Variants in SLC15A1 observed in about 807,000 individuals in gnomAD.
The protein encoded by SLC15A1 is Caco-2 oligopeptide transporter.
A neutral mutation model predicts 92.9 loss-of-function variants in SLC15A1; 83 were observed. The observed-to-expected ratio is 0.89, with a 90% CI of 0.75 to 1.07. SLC15A1 has a LOEUF of 1.07. SLC15A1 is among the 50% of genes least tolerant of loss of function. The pLI, the probability that SLC15A1 is intolerant of heterozygous loss-of-function variation, is 0.00. For synonymous variants in SLC15A1, 322 were observed against 318.2 expected (o/e 1.01, Z -0.13); for missense variants, 857 against 880.1 (o/e 0.97, Z 0.33).
intron 1 of SLC15A1, among the ~76,000 whole-genome samples, chr13:98,733,747 C>T (rs1194768800): frequency 6.6e-6 from 1 of 152,192 alleles, no homozygotes; most frequent in Non-Finnish European, 1.5e-5. Context: ...TCCTCCTAGC[C>T]ATGTGGCCTT....
intron 1 of SLC15A1, among the ~76,000 whole-genome samples, chr13:98,736,727 C>A (rs1267803284): frequency 2.0e-5 from 3 of 152,158 alleles, no homozygotes; most frequent in African/African-American, 7.2e-5. Context: ...ATGCAGCCAA[C>A]ACACACATAA....
rs183866973 is a variant in SLC15A1, at chr13:98,717,036, A to T, written c.641-1076T>A. Among the ~76,000 whole-genome samples, 144 of 152,340 alleles carry T rather than the reference A, an allele frequency of 9.5e-4. 3 individuals carry two copies. The East Asian group carries it at 0.021, about 22-fold the overall frequency. On this transcript the variant is annotated intron_variant, in intron 8 of 22. Transcript: ENST00000376503. ...CCTATCTCTATCATCTTATTAAAAA[A>T]TTTTTAAAAATTTAAAGCATTGTTG...
chr13:98,725,986 A>G (rs2139595707), intron 4 of SLC15A1, 137 bp downstream of exon 4: 1 of 1,124,210 alleles, frequency 8.9e-7, no homozygotes, highest in Non-Finnish European at 1.2e-6. Flanking sequence ...GATTACAGGT[A>G]TGAACCATAC....
At chr13:98,709,478 G>A (rs2088143243) in intron 14 of SLC15A1, 94 bp downstream of exon 14, 5 of 889,890 alleles carry the variant, frequency 5.6e-6, no homozygotes, top group South Asian at 2.8e-5. Flanking sequence ...TCCTCTAGGC[G>A]AGGTTGCGGG....
chr13:98,713,365 C>A (rs1006770940), intron 9 of SLC15A1, among the ~76,000 whole-genome samples: 12 of 152,104 alleles, frequency 7.9e-5, no homozygotes, highest in African/African-American at 1.7e-4. Flanking sequence ...GCCAGCATAT[C>A]TCAATTTGGA....
At chr13:98,705,755 G>A (rs1443609647) in intron 16 of SLC15A1, among the ~76,000 whole-genome samples, 1 of 152,126 alleles carries the variant, frequency 6.6e-6, no homozygotes, top group East Asian at 1.9e-4. Context: ...AGCTGGGTGT[G>A]GTGGCACACA....
At chr13:98,728,979 A>AC (rs2088324556) in intron 1 of SLC15A1, among the ~76,000 whole-genome samples, 1 of 104,090 alleles carries the variant, frequency 9.6e-6, no homozygotes, top group Admixed American at 9.9e-5. Context: ...AGGCTCTGTA[A>AC]AAAAAAAAAA....
intron 1 of SLC15A1, among the ~76,000 whole-genome samples, chr13:98,727,113 A>G (rs1283749154): frequency 6.6e-6 from 1 of 152,162 alleles, no homozygotes; most frequent in African/African-American, 2.4e-5. Flanking sequence ...AGCTCAGAGA[A>G]TCAGGCCTAA....
Position 98,710,107 on chromosome 13 carries a change from C to T in SLC15A1, c.901-196G>A, listed in dbSNP as rs141955687. Among the ~76,000 whole-genome samples the T allele has an allele frequency of 3.9e-5, 6 of 152,294 alleles. 1 individual carries two copies. In the South Asian group the frequency reaches 6.2e-4, roughly 16 times the overall value. ...AGAAACCAGTTGCATTTCTAGCGTA[C>T]GAGTGAACACAATACGGAGTGCTCC... On this transcript the variant is annotated intron_variant, in intron 11 of 22. Coordinates refer to ENST00000376503, the MANE Select transcript of SLC15A1 (RefSeq NM_005073.4).
intron 1 of SLC15A1, among the ~76,000 whole-genome samples, chr13:98,734,137 T>C (rs2088371626): frequency 6.6e-6 from 1 of 152,154 alleles, no homozygotes; most frequent in Non-Finnish European, 1.5e-5. Context: ...GGCTAATTTT[T>C]GTATTTTTAG....
intron 7 of SLC15A1, chr13:98,720,630 G>A (rs1029438466): frequency 1.2e-5 from 2 of 162,318 alleles, no homozygotes; most frequent in African/African-American, 2.4e-5. Flanking sequence ...CTTCCACATG[G>A]GAAATTCACA....
intron 22 of SLC15A1, 96 bp from the exon 23 acceptor site, chr13:98,685,011 G>T: frequency 9.4e-7 from 1 of 1,064,808 alleles, no homozygotes; most frequent in Non-Finnish European, 1.3e-6. Flanking sequence ...GCTACATGCA[G>T]ATGGAGAGTG....
intron 1 of SLC15A1, among the ~76,000 whole-genome samples, chr13:98,742,990 T>C (rs1248685430): frequency 6.6e-6 from 1 of 152,086 alleles, no homozygotes; most frequent in Non-Finnish European, 1.5e-5. Flanking sequence ...CCCAGGCTGG[T>C]CTCAAACTTC....
chr13:98,724,425 G>A (rs2088282866), intron 4 of SLC15A1, among the ~76,000 whole-genome samples: 1 of 152,162 alleles, frequency 6.6e-6, no homozygotes, highest in Admixed American at 6.5e-5. Context: ...GATCACTTGA[G>A]TCCAGGAGGT....
chr13:98,700,796 T>C (rs2088060896), intron 18 of SLC15A1, among the ~76,000 whole-genome samples: 1 of 152,216 alleles, frequency 6.6e-6, no homozygotes, highest in South Asian at 2.1e-4. Context: ...GTTTCAACAC[T>C]GATTGTTGAA....
intron 20 of SLC15A1, among the ~76,000 whole-genome samples, 190 bp downstream of exon 20, chr13:98,688,058 T>G (rs1185405853): frequency 1.3e-5 from 2 of 152,204 alleles, no homozygotes; most frequent in South Asian, 4.1e-4. Context: ...GGGAAGTCAG[T>G]CTGTTTAGAT....
chr13:98,731,089 C>A (rs1187704180), intron 1 of SLC15A1, among the ~76,000 whole-genome samples: 12 of 152,194 alleles, frequency 7.9e-5, no homozygotes, highest in African/African-American at 2.9e-4. Context: ...AGTAGCGGTT[C>A]CTTCCCCTCA....
chr13:98,724,309 G>T lies in SLC15A1; in HGVS notation c.246-278C>A, dbSNP rs554515518. Among the ~76,000 whole-genome samples the T allele has an allele frequency of 3.7e-4, 56 of 152,226 alleles. No individual in the cohort carries two copies. The South Asian group carries it at 8.9e-3, about 24-fold the overall frequency. On this transcript the variant is annotated intron_variant, in intron 4 of 22. Transcript: ENST00000376503. ...GCTTGAGCTCAGGAGTTCGACACCA[G>T]CCTGGGCAACATAGCAAGACCCCAT... is the stretch of plus-strand genomic sequence containing the variant.
rs772476948 is a variant in SLC15A1 at position 98,684,059 on chromosome 13, G to A, written c.*665C>T. 4 of 152,238 alleles carry A rather than the reference G, an allele frequency of 2.6e-5. No individual in the cohort carries two copies. The highest frequency in any genetic ancestry group is 5.9e-5 in the Non-Finnish European group (4 of 68,078). 9.4% of individuals were successfully genotyped at this position (152,238 alleles called of 1,614,324 possible). A position where few individuals can be genotyped will look rare whatever the true frequency, so the allele number is the denominator to read the frequency against. ...TTCGTAAGAGTATTAGAAATGAACAGTATGGAATAGGAAACTTTGTTACCA... is the reference window on the plus strand; with the variant it reads ...TTCGTAAGAGTATTAGAAATGAACAATATGGAATAGGAAACTTTGTTACCA... On this transcript the variant is annotated 3_prime_UTR_variant, in exon 23 of 23. Coordinates refer to ENST00000376503, the MANE Select transcript of SLC15A1 (RefSeq NM_005073.4).
Sources: gnomAD v4.1 joint callset for allele counts (sites outside exome capture counted in the v4.1 genomes callset) on GRCh38, gnomAD v4.1.1 for gene constraint, MANE v1.5 for transcripts, NCBI Gene and HGNC (gene_info 2026-07-23, HGNC 2026-07-21) for gene names.